The following ASCC1 variants were observed in gnomAD, a reference collection of about 807,000 sequenced individuals.
The protein encoded by ASCC1 is activating signal cointegrator 1 complex subunit 1.
In ASCC1, 35 loss-of-function variants were observed where a neutral mutation model predicts 46.6. The observed-to-expected ratio is 0.75, with a 90% CI of 0.57 to 0.99. ASCC1 has a LOEUF of 0.99. ASCC1 is among the 50% of genes least tolerant of loss of function. ASCC1 has a pLI of 0.00. For missense variants in ASCC1, 376 were observed against 428.7 expected (o/e 0.88, Z 1.09); for synonymous variants, 143 against 146.6 (o/e 0.98, Z 0.18).
intron 7 of ASCC1, among the ~76,000 whole-genome samples, chr10:72,141,326 A>T (rs1467541681): frequency 6.6e-6 from 1 of 152,154 alleles, no homozygotes; most frequent in East Asian, 1.9e-4. Flanking sequence ...CCCAAGATAT[A>T]ATGTTTAGTC....
intron 7 of ASCC1, among the ~76,000 whole-genome samples, chr10:72,135,145 G>A (rs1363386129): frequency 6.6e-6 from 1 of 152,202 alleles, no homozygotes; most frequent in Non-Finnish European, 1.5e-5. Flanking sequence ...GAAAGAAAAG[G>A]AAACCAGGCA....
intron 9 of ASCC1, among the ~76,000 whole-genome samples, chr10:72,124,217 C>T (rs1844567640): frequency 1.3e-5 from 2 of 152,140 alleles, no homozygotes; most frequent in South Asian, 4.1e-4. Context: ...CTGCCAGTCT[C>T]TTCTTTCTCT....
At chr10:72,213,698 G>C (rs1463190667) in intron 1 of ASCC1, among the ~76,000 whole-genome samples, 1 of 151,308 alleles carries the variant, frequency 6.6e-6, no homozygotes, top group Non-Finnish European at 1.5e-5. Context: ...GGTTGAGGCT[G>C]GAGTTCAAGA....
intron 7 of ASCC1, among the ~76,000 whole-genome samples, chr10:72,148,076 G>A (rs1281287296): frequency 6.6e-6 from 1 of 152,034 alleles, no homozygotes; most frequent in Non-Finnish European, 1.5e-5. Flanking sequence ...TTACAGTAAC[G>A]GCATCAAACT....
chr10:72,117,357 T>C (rs920209661), intron 9 of ASCC1, among the ~76,000 whole-genome samples: 10 of 152,324 alleles, frequency 6.6e-5, no homozygotes, highest in Non-Finnish European at 1.0e-4. Flanking sequence ...TCCAGAGATT[T>C]CTGTTTGCTA....
chr10:72,099,585 C>T (rs1841488435), intron 9 of ASCC1, among the ~76,000 whole-genome samples: 1 of 152,210 alleles, frequency 6.6e-6, no homozygotes, highest in Non-Finnish European at 1.5e-5. Context: ...CTTTGAGAGG[C>T]TGAGGCAGCG....
intron 5 of ASCC1, among the ~76,000 whole-genome samples, chr10:72,177,740 A>G (rs1253333510): frequency 6.6e-6 from 1 of 152,244 alleles, no homozygotes; most frequent in Non-Finnish European, 1.5e-5. Flanking sequence ...TGAGAGATAT[A>G]CAAGGTTGTA....
intron 6 of ASCC1, among the ~76,000 whole-genome samples, chr10:72,157,708 C>T (rs1185458850): frequency 6.6e-6 from 1 of 152,124 alleles, no homozygotes; most frequent in Non-Finnish European, 1.5e-5. Flanking sequence ...CACTACTGAA[C>T]TATGCACTTA....
At chr10:72,189,802 CA>C (rs996153326) in intron 5 of ASCC1, 26,991 of 167,024 alleles carry the variant, frequency 0.16, 11 homozygotes, top group South Asian at 0.2. Flanking sequence ...AACTCCATCT[CA>C]AAAAAAAAAA....
intron 2 of ASCC1, chr10:72,212,428 A>T (rs960450541): frequency 2.6e-5 from 4 of 152,604 alleles, no homozygotes; most frequent in African/African-American, 9.6e-5. Context: ...TTAAAGTAGG[A>T]TGTGTGTAGA....
intron 5 of ASCC1, among the ~76,000 whole-genome samples, chr10:72,177,745 G>A (rs1317757451): frequency 6.6e-6 from 1 of 152,110 alleles, no homozygotes; most frequent in Admixed American, 6.6e-5. Flanking sequence ...GATATACAAG[G>A]TTGTAATATA....
chr10:72,101,794 G>T (rs748894949), intron 9 of ASCC1, among the ~76,000 whole-genome samples: 1 of 152,096 alleles, frequency 6.6e-6, no homozygotes, highest in Non-Finnish European at 1.5e-5. Flanking sequence ...AGGAGACCAT[G>T]GTAGTAGTTC....
chr10:72,117,908 C>T (rs1295699273), intron 9 of ASCC1, among the ~76,000 whole-genome samples: 1 of 152,080 alleles, frequency 6.6e-6, no homozygotes, highest in Non-Finnish European at 1.5e-5. Context: ...GGCACAAGAG[C>T]CATGGTGAAA....
chr10:72,160,156 G>A (rs373250639), intron 6 of ASCC1, among the ~76,000 whole-genome samples: 3 of 151,926 alleles, frequency 2.0e-5, no homozygotes, highest in African/African-American at 4.8e-5. Flanking sequence ...TGCCCGCCTC[G>A]GCCTCCCAAA....
At chr10:72,116,325 C>A (rs1843488738) in intron 9 of ASCC1, among the ~76,000 whole-genome samples, 3 of 152,152 alleles carry the variant, frequency 2.0e-5, no homozygotes, top group African/African-American at 7.2e-5. Flanking sequence ...TAAATTTTGG[C>A]CATCAGTTTA....
chr10:72,131,343 T>TG lies in ASCC1; in HGVS notation c.871+1713dup, dbSNP rs555451630. Among the ~76,000 whole-genome samples the TG allele has an allele frequency of 3.3e-3, 506 of 151,754 alleles. 5 individuals are homozygous for TG. The highest frequency in any genetic ancestry group is 0.012 in the African/African-American group (491 of 41,354). On this transcript the variant is annotated intron_variant, in intron 8 of 9. Transcript: ENST00000672957. ...CTGAGGCAGGAGAATTGCTTCAACC[T>TG]GGGGGGCGGAGGTTGCAGTGAGCTG...
chr10:72,142,448 C>T (rs1847134420), intron 7 of ASCC1, among the ~76,000 whole-genome samples: 1 of 151,474 alleles, frequency 6.6e-6, no homozygotes, highest in Non-Finnish European at 1.5e-5. Flanking sequence ...CTCACTGCAA[C>T]CTCCACCTCC....
At chr10:72,142,172 T>C (rs971331330) in intron 7 of ASCC1, among the ~76,000 whole-genome samples, 1 of 152,150 alleles carries the variant, frequency 6.6e-6, no homozygotes, top group African/African-American at 2.4e-5. Context: ...AATATTAAAT[T>C]TTATCAAAAG....
chr10:72,098,712 A>G (rs1841381289), intron 9 of ASCC1, among the ~76,000 whole-genome samples: 1 of 152,240 alleles, frequency 6.6e-6, no homozygotes, highest in African/African-American at 2.4e-5. Flanking sequence ...GGCTAACTTT[A>G]TAAAGCCCAG....
Sources: gnomAD v4.1 joint callset for allele counts (sites outside exome capture counted in the v4.1 genomes callset) on GRCh38, gnomAD v4.1.1 for gene constraint, MANE v1.5 for transcripts, NCBI Gene and HGNC (gene_info 2026-07-23, HGNC 2026-07-21) for gene names.